The following DPP6 variants were observed in gnomAD, a reference collection of about 807,000 sequenced individuals.
DPP6 encodes A-type potassium channel modulatory protein DPP6.
DPP6 carries 69 observed loss-of-function variants against 122.6 expected under a neutral mutation model. The ratio of observed to expected loss-of-function variants is 0.56; its 90% CI spans 0.46 to 0.69. The LOEUF (loss-of-function observed/expected upper bound fraction) is 0.69, where lower values mean the gene tolerates loss of function less well. Among genes scored for constraint, DPP6 ranks in the 30% least tolerant of loss-of-function variants. The pLI, the probability that DPP6 is intolerant of heterozygous loss-of-function variation, is 0.00. For synonymous variants in DPP6, 418 were observed against 433.1 expected, an observed-to-expected ratio of 0.97 and a Z score of 0.43; for missense variants, 928 against 1,116.9, an observed-to-expected ratio of 0.83 and a Z score of 2.41.
intron 1 of DPP6, among the ~76,000 whole-genome samples, chr7:154,223,495 G>A (rs1800421246): frequency 6.7e-6 from 1 of 149,522 alleles, no homozygotes; most frequent in East Asian, 2.0e-4. Flanking sequence ...GAGTTGGTGG[G>A]AGATGCTGGT....
the DPP6 span, among the ~76,000 whole-genome samples, chr7:153,782,029 CTATT>C: frequency 7.1e-6 from 1 of 140,580 alleles, no homozygotes; most frequent in Non-Finnish European, 1.6e-5. Context: ...TTAATATTGA[CTATT>C]CAATCTACAA....
At chr7:154,421,833 T>G (rs1817497102) in intron 1 of DPP6, among the ~76,000 whole-genome samples, 1 of 152,222 alleles carries the variant, frequency 6.6e-6, no homozygotes, top group Non-Finnish European at 1.5e-5. Context: ...CACTGGCATG[T>G]GCCTGGTTTA....
chr7:153,988,182 C>T (rs987865302), intron 1 of DPP6, among the ~76,000 whole-genome samples: 2 of 152,062 alleles, frequency 1.3e-5, no homozygotes, highest in Non-Finnish European at 1.5e-5. Context: ...GGAGGGAGGG[C>T]GTCGAGGGTG....
intron 1 of DPP6, among the ~76,000 whole-genome samples, chr7:154,226,227 G>A (rs1255902703): frequency 6.6e-6 from 1 of 152,192 alleles, no homozygotes; most frequent in Non-Finnish European, 1.5e-5. Context: ...TCTGCAAGGT[G>A]CTCTTTCAGA....
At chr7:154,063,745 C>T (rs935050187) in intron 1 of DPP6, among the ~76,000 whole-genome samples, 1 of 150,676 alleles carries the variant, frequency 6.6e-6, no homozygotes, top group Admixed American at 6.6e-5. Context: ...CGGCTTAGGA[C>T]CCCCGTCGTG....
intron 7 of DPP6, among the ~76,000 whole-genome samples, chr7:154,695,136 G>T (rs369642003): frequency 1.1e-3 from 162 of 152,338 alleles, no homozygotes; most frequent in African/African-American, 3.8e-3. Flanking sequence ...CTACAGGGCT[G>T]GCGGCAAGGA....
chr7:154,695,406 G>A (rs1164021455), intron 7 of DPP6, among the ~76,000 whole-genome samples: 1 of 152,188 alleles, frequency 6.6e-6, no homozygotes, highest in Non-Finnish European at 1.5e-5. Context: ...TTGCCTGAAG[G>A]AGATTAATAT....
chr7:154,517,623 A>G (rs1826629176), intron 3 of DPP6, among the ~76,000 whole-genome samples: 1 of 152,158 alleles, frequency 6.6e-6, no homozygotes, highest in South Asian at 2.1e-4. Context: ...TAGCATAAAT[A>G]AAGTATCATG....
In DPP6 at chr7:154,885,753, C is replaced by T. The variant is rs1292645415; in HGVS notation, c.2245+9C>T. 1.3e-6 allele frequency: 2 copies of T among 1,578,164 alleles called. No individual in the cohort carries two copies. ...AGACTTCAAACTCTATGGTAAATAG[C>T]CCTGCAGGACCAAGCGACGGGCTCT... is the stretch of plus-strand genomic sequence containing the variant. On this transcript the variant is annotated intron_variant, in intron 22 of 25. Transcript: ENST00000377770.
At chr7:153,908,334 A>G (rs1799938500) in intron 1 of DPP6, among the ~76,000 whole-genome samples, 1 of 152,204 alleles carries the variant, frequency 6.6e-6, no homozygotes. Flanking sequence ...AAAAAAGTAT[A>G]GTTATGGTCC....
chr7:154,317,880 G>A (rs1457805841), intron 1 of DPP6, among the ~76,000 whole-genome samples: 1 of 152,206 alleles, frequency 6.6e-6, no homozygotes, highest in Non-Finnish European at 1.5e-5. Context: ...CACCAAAGAA[G>A]ATCAAGATTG....
chr7:154,243,612 A>G (rs1338945014), intron 1 of DPP6, among the ~76,000 whole-genome samples: 20 of 152,086 alleles, frequency 1.3e-4, no homozygotes, highest in South Asian at 4.2e-4. Context: ...TGGCTAACAC[A>G]CTGAAACCCC....
intron 1 of DPP6, among the ~76,000 whole-genome samples, chr7:153,995,851 T>G (rs1255783406): frequency 6.6e-6 from 1 of 152,170 alleles, no homozygotes; most frequent in Non-Finnish European, 1.5e-5. Flanking sequence ...AAACATCACT[T>G]CCTCCAAGGA....
chr7:154,223,142 A>T (rs1166245213), intron 1 of DPP6, among the ~76,000 whole-genome samples: 1 of 148,684 alleles, frequency 6.7e-6, no homozygotes, highest in East Asian at 1.9e-4. Flanking sequence ...TCCCCATCCC[A>T]TGACAAACCC....
At chr7:153,860,930 C>T in the DPP6 span, among the ~76,000 whole-genome samples, 4 of 152,250 alleles carry the variant, frequency 2.6e-5, no homozygotes, top group Non-Finnish European at 4.4e-5. Flanking sequence ...TCTGTGCCTA[C>T]GAATATGTTA....
intron 3 of DPP6, among the ~76,000 whole-genome samples, chr7:154,485,628 A>G (rs1823718085): frequency 1.3e-5 from 2 of 152,238 alleles, no homozygotes; most frequent in Admixed American, 6.5e-5. Context: ...AAAGTTTCCT[A>G]TTGGAGTTTT....
chr7:154,420,059 C>A (rs546236695), intron 1 of DPP6, among the ~76,000 whole-genome samples: 6 of 152,234 alleles, frequency 3.9e-5, no homozygotes, highest in East Asian at 1.9e-4. Context: ...AGGAGAAGGC[C>A]GGCACGGTGG....
At chr7:154,196,661 C>T (rs1306628877) in intron 1 of DPP6, among the ~76,000 whole-genome samples, 1 of 152,162 alleles carries the variant, frequency 6.6e-6, no homozygotes, top group East Asian at 1.9e-4. Context: ...ACCTGGGCTC[C>T]CTGGCCATGA....
the DPP6 span, among the ~76,000 whole-genome samples, chr7:153,858,284 A>T: frequency 2.0e-5 from 3 of 152,308 alleles, no homozygotes; most frequent in Non-Finnish European, 2.9e-5. Flanking sequence ...GACTGTATCC[A>T]CCAGAAACAA....
Sources: allele counts gnomAD v4.1 joint callset (sites outside exome capture counted in the v4.1 genomes callset), GRCh38; gene constraint gnomAD v4.1.1; transcripts MANE v1.5; gene names NCBI Gene and HGNC (gene_info 2026-07-23, HGNC 2026-07-21).